FTO: variants seen among roughly 807,000 people sequenced by gnomAD.
FTO encodes the protein FTO alpha-ketoglutarate dependent dioxygenase.
FTO carries 47 observed loss-of-function variants against 63.9 expected under a neutral mutation model. The observed-to-expected ratio is 0.74, with a 90% CI of 0.58 to 0.94. FTO has a LOEUF of 0.94. Ranked by LOEUF, FTO falls within the 40% of genes least tolerant of loss-of-function variation. FTO has a pLI of 0.00. For synonymous variants in FTO, 207 were observed against 224.4 expected (o/e 0.92, Z 0.69); for missense variants, 562 against 618.1 (o/e 0.91, Z 0.96).
chr16:53,926,652 G>C (rs1272726289), intron 7 of FTO, among the ~76,000 whole-genome samples: 1 of 152,224 alleles, frequency 6.6e-6, no homozygotes, highest in African/African-American at 2.4e-5. Flanking sequence ...AGGTGTTTTT[G>C]AGATGTTTCT....
chr16:54,110,395 T>C (rs1176643674), intron 8 of FTO, among the ~76,000 whole-genome samples: 1 of 152,200 alleles, frequency 6.6e-6, no homozygotes, highest in African/African-American at 2.4e-5. Context: ...TACATAATAG[T>C]ACTTAGTGCA....
Position 53,997,417 on chromosome 16 carries a change from G to T in FTO, c.1364+63308G>T, listed in dbSNP as rs1423744301. Reference sequence around the variant, plus strand: ...CCAAACCGTATCAGGTGTGTTTGGGGTACTATCGGAGATCAGATCAGGACC... The same window carrying T: ...CCAAACCGTATCAGGTGTGTTTGGGTTACTATCGGAGATCAGATCAGGACC... On this transcript the variant is annotated intron_variant, in intron 8 of 8. Transcript: ENST00000471389. Among the ~76,000 whole-genome samples, 3 of 152,186 alleles carry T rather than the reference G, an allele frequency of 2.0e-5. 1 individual carries two copies. Among genetic ancestry groups the T allele is most frequent in the South Asian group, 4.1e-4 (2 of 4,820 alleles).
intron 4 of FTO, among the ~76,000 whole-genome samples, chr16:53,848,278 A>C (rs2079691104): frequency 6.6e-6 from 1 of 152,162 alleles, no homozygotes; most frequent in African/African-American, 2.4e-5. Context: ...AGCACTTATG[A>C]AAAGGAAACA....
At chr16:53,781,306 G>C (rs551216468) in intron 1 of FTO, among the ~76,000 whole-genome samples, 1 of 152,276 alleles carries the variant, frequency 6.6e-6, no homozygotes, top group South Asian at 2.1e-4. Context: ...TACATAAGTG[G>C]ATCTTTATTT....
chr16:54,053,895 A>G (rs1446318857), intron 8 of FTO, among the ~76,000 whole-genome samples: 1 of 152,156 alleles, frequency 6.6e-6, no homozygotes, highest in Non-Finnish European at 1.5e-5. Flanking sequence ...TTCGTAAGCA[A>G]CTTAAATCAA....
chr16:53,995,692 C>T (rs922688121), intron 8 of FTO, among the ~76,000 whole-genome samples: 6 of 152,206 alleles, frequency 3.9e-5, no homozygotes, highest in African/African-American at 7.2e-5. Flanking sequence ...GTTCCTACTC[C>T]GCCTCCTTCA....
chr16:53,765,172 C>A (rs2077169925), intron 1 of FTO, among the ~76,000 whole-genome samples: 1 of 152,188 alleles, frequency 6.6e-6, no homozygotes, highest in African/African-American at 2.4e-5. Flanking sequence ...ATGCTCAGGG[C>A]TGTACTGTAC....
intron 8 of FTO, among the ~76,000 whole-genome samples, chr16:54,102,744 G>A (rs1018881051): frequency 8.5e-5 from 13 of 152,150 alleles, no homozygotes; most frequent in Admixed American, 5.9e-4. Flanking sequence ...GCTGGGTACC[G>A]CCTGCACTGT....
At chr16:53,862,671 G>C (rs1035374176) in intron 4 of FTO, among the ~76,000 whole-genome samples, 1 of 151,340 alleles carries the variant, frequency 6.6e-6, no homozygotes, top group Non-Finnish European at 1.5e-5. Context: ...GAGTAGTTGG[G>C]ATTACAGGCG....
intron 3 of FTO, among the ~76,000 whole-genome samples, chr16:53,837,244 G>A (rs749447295): frequency 6.6e-6 from 1 of 152,106 alleles, no homozygotes; most frequent in Non-Finnish European, 1.5e-5. Context: ...GATGTAATGA[G>A]GTTCTCCTCT....
intron 8 of FTO, among the ~76,000 whole-genome samples, chr16:53,941,756 G>A (rs1660224990): frequency 6.6e-6 from 1 of 152,198 alleles, no homozygotes; most frequent in Admixed American, 6.5e-5. Context: ...GCTGAGGTAG[G>A]GGGAAGCACT....
intron 4 of FTO, among the ~76,000 whole-genome samples, chr16:53,863,739 T>TA (rs1421413170): frequency 6.6e-6 from 1 of 152,228 alleles, no homozygotes; most frequent in Non-Finnish European, 1.5e-5. Flanking sequence ...GAGTGCCCTG[T>TA]AAGCTTCTCT....
chr16:53,820,804 A>G (rs533854626), intron 2 of FTO, among the ~76,000 whole-genome samples: 25 of 152,244 alleles, frequency 1.6e-4, no homozygotes, highest in Admixed American at 8.5e-4. Context: ...AAAGGTTTCT[A>G]TAAGAAAATG....
chr16:54,076,788 C>T (rs1300410485), intron 8 of FTO, among the ~76,000 whole-genome samples: 1 of 151,984 alleles, frequency 6.6e-6, no homozygotes, highest in Non-Finnish European at 1.5e-5. Flanking sequence ...CATGAAAGGC[C>T]AGGGTAATTA....
chr16:53,845,621 A>T (rs1395012841), intron 4 of FTO, among the ~76,000 whole-genome samples: 1 of 152,240 alleles, frequency 6.6e-6, no homozygotes, highest in Admixed American at 6.5e-5. Context: ...ATCCAGTATC[A>T]CTAGGTATAA....
At chr16:53,843,592 A>G (rs140943889) in intron 3 of FTO, among the ~76,000 whole-genome samples, 17 of 152,266 alleles carry the variant, frequency 1.1e-4, no homozygotes, top group Non-Finnish European at 2.2e-4. Context: ...ATTTAGAAAA[A>G]CATTCCTTGG....
chr16:53,732,741 G>A (rs1447151877), intron 1 of FTO, among the ~76,000 whole-genome samples: 4 of 152,152 alleles, frequency 2.6e-5, no homozygotes, highest in South Asian at 4.1e-4. Flanking sequence ...ATAAAGGAGG[G>A]GGGTGGTGGA....
chr16:53,883,646 A>AAC (rs1555489015), intron 6 of FTO, among the ~76,000 whole-genome samples: 2,350 of 135,354 alleles, frequency 0.017, 146 homozygotes, highest in African/African-American at 0.057. Flanking sequence ...CAAAAAAAAA[A>AAC]AAACAAATTT....
At chr16:53,873,582 A>G (rs2080562887) in intron 4 of FTO, among the ~76,000 whole-genome samples, 1 of 150,666 alleles carries the variant, frequency 6.6e-6, no homozygotes, top group African/African-American at 2.4e-5. Flanking sequence ...TTATAAGTAG[A>G]TACGCATATA....
Sources: gnomAD v4.1 joint callset for allele counts (sites outside exome capture counted in the v4.1 genomes callset) on GRCh38, gnomAD v4.1.1 for gene constraint, MANE v1.5 for transcripts, NCBI Gene and HGNC (gene_info 2026-07-23, HGNC 2026-07-21) for gene names.